The following UBXN2A variants were observed in gnomAD, a reference collection of about 807,000 sequenced individuals.
UBXN2A encodes the protein UBX domain protein 2A.
A neutral mutation model predicts 28.4 loss-of-function variants in UBXN2A; 28 were observed. The ratio of observed to expected loss-of-function variants is 0.99; its 90% CI spans 0.73 to 1.35. UBXN2A has a LOEUF of 1.35. UBXN2A is among the 40% of genes most tolerant of loss of function. The probability of loss-of-function intolerance (pLI) is 0.00; values close to 1 mark genes in which losing one functional copy is unlikely to be tolerated. For synonymous variants in UBXN2A, 97 were observed against 103.6 expected, an observed-to-expected ratio of 0.94 and a Z score of 0.39; for missense variants, 253 against 297.9, an observed-to-expected ratio of 0.85 and a Z score of 1.11.
intron 1 of UBXN2A, among the ~76,000 whole-genome samples, chr2:23,954,885 A>G (rs1270128308): frequency 1.3e-5 from 2 of 148,620 alleles, no homozygotes; most frequent in African/African-American, 5.0e-5. Flanking sequence ...CAGCCTCCCA[A>G]GTAGCTGGGA....
intron 1 of UBXN2A, among the ~76,000 whole-genome samples, chr2:23,932,220 A>C (rs1355370648): frequency 6.6e-6 from 1 of 151,840 alleles, no homozygotes. Flanking sequence ...CGAGAGGCCG[A>C]GGCAGGAGAA....
At chr2:23,980,101 A>C (rs896301290) in intron 4 of UBXN2A, among the ~76,000 whole-genome samples, 1 of 152,146 alleles carries the variant, frequency 6.6e-6, no homozygotes, top group African/African-American at 2.4e-5. Flanking sequence ...AAGAAAAAAA[A>C]ATCAGATACT....
intron 1 of UBXN2A, among the ~76,000 whole-genome samples, chr2:23,958,068 G>A (rs1467398224): frequency 6.6e-6 from 1 of 152,064 alleles, no homozygotes; most frequent in African/African-American, 2.4e-5. Flanking sequence ...TAAGTCAAAT[G>A]GTATATTATA....
rs1705697667 is a variant in UBXN2A at position 23,940,543 on chromosome 2, G to T, written c.-120G>T. On this transcript the variant is annotated 5_prime_UTR_variant, in exon 1 of 7. Coordinates refer to ENST00000309033, the MANE Select transcript of UBXN2A (RefSeq NM_181713.4). The stretch of plus-strand genomic sequence containing the variant: ...GCGGAACCTGAGGCGGTCTGGGGCG[G>T]CGGCGCTCCGGCTCTGAAGGGCTCC... 1 of 151,290 alleles carries T rather than the reference G, an allele frequency of 6.6e-6. No individual in the cohort carries two copies. The highest frequency in any genetic ancestry group is 1.5e-5 in the Non-Finnish European group (1 of 67,764). The allele number at this position is 151,290 out of a possible 1,614,324, so 9.4% of individuals were successfully genotyped here.
intron 1 of UBXN2A, among the ~76,000 whole-genome samples, chr2:23,932,752 A>G (rs763790440): frequency 1.3e-5 from 2 of 152,232 alleles, no homozygotes; most frequent in Non-Finnish European, 2.9e-5. Flanking sequence ...CCTTCAACAG[A>G]AAGCACAAAA....
At chr2:23,991,458 TTCTG>T (rs1558307754) in intron 6 of UBXN2A, among the ~76,000 whole-genome samples, 1 of 151,774 alleles carries the variant, frequency 6.6e-6, no homozygotes. Context: ...TTATATTTTT[TTCTG>T]TCTTTTTTGT....
At chr2:23,942,487 G>A (rs1034417307) in intron 1 of UBXN2A, among the ~76,000 whole-genome samples, 4 of 139,248 alleles carry the variant, frequency 2.9e-5, no homozygotes, top group African/African-American at 1.0e-4. Flanking sequence ...GCAGCGGCAC[G>A]ATCTTGGCTC....
At chr2:23,990,901 A>C (rs1223847681) in intron 6 of UBXN2A, among the ~76,000 whole-genome samples, 1 of 152,222 alleles carries the variant, frequency 6.6e-6, no homozygotes, top group African/African-American at 2.4e-5. Flanking sequence ...TTAAAAAAGT[A>C]AAACTGTCCT....
In UBXN2A at chr2:23,951,312, C is replaced by G. The variant is rs182825541; in HGVS notation, c.-14-6989C>G. Among the ~76,000 whole-genome samples, 166 of 150,762 alleles carry G rather than the reference C, an allele frequency of 1.1e-3. 1 individual carries two copies. The highest frequency in any genetic ancestry group is 4.0e-3 in the African/African-American group (162 of 40,964). On this transcript the variant is annotated intron_variant, in intron 1 of 6. Transcript: ENST00000309033. ...TTTGTTCAATATGTATCCCAAGCAC[C>G]TAGAATCATTCATGTCTGATATATA... is the stretch of plus-strand genomic sequence containing the variant.
intron 1 of UBXN2A, among the ~76,000 whole-genome samples, chr2:23,927,848 G>GA (rs1280309551): frequency 1.1e-4 from 17 of 151,538 alleles, no homozygotes; most frequent in African/African-American, 2.9e-4. Flanking sequence ...AACTTCCAAA[G>GA]AAAAAAAAAT....
intron 4 of UBXN2A, among the ~76,000 whole-genome samples, chr2:23,979,056 G>A (rs1166660889): frequency 2.0e-5 from 3 of 151,280 alleles, no homozygotes; most frequent in Non-Finnish European, 2.9e-5. Flanking sequence ...TTAAGAACTC[G>A]AAAATCAGCC....
At chr2:23,945,899 C>T (rs142468880) in intron 1 of UBXN2A, among the ~76,000 whole-genome samples, 1,638 of 150,430 alleles carry the variant, frequency 0.011, 17 homozygotes, top group Middle Eastern at 0.038. Flanking sequence ...GGCATGATCT[C>T]AGCTCACTGC....
chr2:23,933,292 A>C (rs1705430059), intron 1 of UBXN2A, among the ~76,000 whole-genome samples: 1 of 152,258 alleles, frequency 6.6e-6, no homozygotes, highest in Admixed American at 6.5e-5. Context: ...GGATCACCTG[A>C]GGTCAGGAGT....
intron 1 of UBXN2A, among the ~76,000 whole-genome samples, chr2:23,929,527 C>G (rs1705308709): frequency 6.6e-6 from 1 of 151,400 alleles, no homozygotes; most frequent in Non-Finnish European, 1.5e-5. Context: ...GCCTGACCAA[C>G]ATGGTGAAAC....
In UBXN2A at chr2:24,002,460, G is replaced by GACT. The variant is rs1708740874; in HGVS notation, c.*2594_*2595insCTA. The GACT allele has an allele frequency of 1.3e-5, 2 of 151,734 alleles. No homozygotes were observed. The highest frequency in any genetic ancestry group is 1.3e-4 in the Admixed American group (2 of 15,228). The allele number at this position is 151,734 out of a possible 1,614,324, so 9.4% of individuals were successfully genotyped here. The stretch of plus-strand genomic sequence containing the variant: ...GAGTTTTGCTCTTTCCCCCAGACTA[G>GACT]AGTGCAATGGCGCGATCTTGGCTCA... On this transcript the variant is annotated 3_prime_UTR_variant, in exon 7 of 7. Transcript: ENST00000309033.
chr2:23,928,120 G>T (rs1241027293), intron 1 of UBXN2A, among the ~76,000 whole-genome samples: 3 of 150,792 alleles, frequency 2.0e-5, no homozygotes, highest in Non-Finnish European at 4.4e-5. Context: ...AGGTTGCAGT[G>T]AGCCGAAATC....
At chr2:23,969,810 ACT>A (rs1325513268) in intron 2 of UBXN2A, among the ~76,000 whole-genome samples, 1 of 152,068 alleles carries the variant, frequency 6.6e-6, no homozygotes. Flanking sequence ...ACAGAATGAG[ACT>A]CTGTCTCAAA....
At chr2:23,943,407 A>T (rs12617839) in intron 1 of UBXN2A, among the ~76,000 whole-genome samples, 18,319 of 152,118 alleles carry the variant, frequency 0.12, 1,196 homozygotes, top group Middle Eastern at 0.21. Flanking sequence ...TACCTAACTG[A>T]TCTCTTCTCA....
At chr2:23,995,688 G>A (rs1454102192) in intron 6 of UBXN2A, among the ~76,000 whole-genome samples, 1 of 140,518 alleles carries the variant, frequency 7.1e-6, no homozygotes, top group East Asian at 2.1e-4. Flanking sequence ...GCAAGACTCT[G>A]TCTCAAAAAA....
Sources: allele counts gnomAD v4.1 joint callset (sites outside exome capture counted in the v4.1 genomes callset), GRCh38; gene constraint gnomAD v4.1.1; transcripts MANE v1.5; gene names NCBI Gene and HGNC (gene_info 2026-07-23, HGNC 2026-07-21).